CCL25: variants seen among roughly 807,000 people sequenced by gnomAD.
CCL25 encodes C-C motif chemokine 25.
CCL25 carries 14 observed loss-of-function variants against 19.9 expected under a neutral mutation model. That is an observed-to-expected ratio of 0.70 (90% CI 0.47 to 1.10). CCL25 has a LOEUF of 1.10. Ranked by LOEUF, CCL25 falls within the 50% of genes least tolerant of loss-of-function variation. The pLI is 0.00. For synonymous variants in CCL25, 68 were observed against 73.2 expected, an observed-to-expected ratio of 0.93 and a Z score of 0.36; for missense variants, 151 against 181.2, an observed-to-expected ratio of 0.83 and a Z score of 0.96.
chr19:8,053,179 AC>A, intron 2 of CCL25, 57 bp downstream of exon 2: 1 of 1,096,166 alleles, frequency 9.1e-7, no homozygotes. Flanking sequence ...CCCCCACCCC[AC>A]CCCTTTTGTC....
chr19:8,053,192 C>T (rs1045921422), intron 2 of CCL25, 70 bp downstream of exon 2: 1 of 978,698 alleles, frequency 1.0e-6, no homozygotes, highest in Non-Finnish European at 1.5e-6. Flanking sequence ...CCTTTTGTCT[C>T]TTATCTCCTC....
At chr19:8,055,358 C>T (rs1311558249) in intron 2 of CCL25, among the ~76,000 whole-genome samples, 1 of 145,328 alleles carries the variant, frequency 6.9e-6, no homozygotes, top group East Asian at 2.1e-4. Context: ...TGTTTTGAGA[C>T]GGTGTCTCAC....
chr19:8,062,088 G>C, intron 5 of CCL25, 130 bp from the exon 6 acceptor site: 1 of 712,720 alleles, frequency 1.4e-6, no homozygotes, highest in Non-Finnish European at 2.4e-6. Context: ...AAAGATTCTA[G>C]CACTCCTATT....
rs1461424937 is a variant in CCL25 at position 8,056,393 on chromosome 19, G to A, written c.219G>A (p.Lys73=). Residue 73 remains lysine, a synonymous_variant, in exon 4 of 6, where the codon AAG becomes AAA. Transcript: ENST00000315626. ...TCTACCTCCCCAAGAGACACAGGAAGGTGTGTGGGAACCCCAAAAGCAGGG... is the reference window on the plus strand; with the variant it reads ...TCTACCTCCCCAAGAGACACAGGAAAGTGTGTGGGAACCCCAAAAGCAGGG... ...AIFYLPKRHR[K]VCGNPKSREV... The A allele has an allele frequency of 3.7e-6, 6 of 1,613,880 alleles. No individual in the cohort carries two copies. The highest frequency in any genetic ancestry group is 5.1e-6 in the Non-Finnish European group (6 of 1,179,920).
At chr19:8,059,160 AATATATAAT>A (rs1162123877) in intron 5 of CCL25, among the ~76,000 whole-genome samples, 6 of 33,284 alleles carry the variant, frequency 1.8e-4, no homozygotes, top group Non-Finnish European at 2.8e-4. Flanking sequence ...TAATATATAT[AATATATAAT>A]ATATATAATA....
intron 5 of CCL25, 76 bp downstream of exon 5, chr19:8,057,996 A>G: frequency 6.4e-7 from 1 of 1,553,286 alleles, no homozygotes; most frequent in Non-Finnish European, 8.7e-7. Context: ...ATTGGCTCAC[A>G]CTGGGACAGG....
At chr19:8,061,671 G>T (rs539016162) in intron 5 of CCL25, among the ~76,000 whole-genome samples, 168 of 152,088 alleles carry the variant, frequency 1.1e-3, no homozygotes, top group African/African-American at 4.0e-3. Context: ...CCAGAGCTCT[G>T]TGTCAGAAAC....
At chr19:8,059,793 A>G (rs998473248) in intron 5 of CCL25, among the ~76,000 whole-genome samples, 2 of 152,140 alleles carry the variant, frequency 1.3e-5, no homozygotes, top group Non-Finnish European at 2.9e-5. Context: ...CAGAAGGATC[A>G]ATTGAGCCCA....
rs550781909 is a variant in CCL25 at position 8,061,524 on chromosome 19, G to A, written c.446-694G>A. ...CATTGCCAACCTTCTTCCCCTTCCTGGAGAATGGGACCAAAAGCTCCAAGT... is the reference window on the plus strand; with the variant it reads ...CATTGCCAACCTTCTTCCCCTTCCTAGAGAATGGGACCAAAAGCTCCAAGT... On this transcript the variant is annotated intron_variant, in intron 5 of 5. Coordinates refer to ENST00000315626, the MANE Select transcript of CCL25 (RefSeq NM_005624.4). Among the ~76,000 whole-genome samples, 17 of 152,272 alleles carry A rather than the reference G, an allele frequency of 1.1e-4. No homozygotes were observed. The South Asian group carries it at 3.5e-3, about 32-fold the overall frequency.
chr19:8,054,877 G>T (rs919651120), intron 2 of CCL25, among the ~76,000 whole-genome samples: 1 of 151,756 alleles, frequency 6.6e-6, no homozygotes, highest in Non-Finnish European at 1.5e-5. Flanking sequence ...CATTGAGACA[G>T]AGTTTTGCTA....
intron 5 of CCL25, among the ~76,000 whole-genome samples, chr19:8,059,128 TA>T (rs1383123278): frequency 3.1e-5 from 3 of 98,094 alleles, no homozygotes; most frequent in Non-Finnish European, 5.7e-5. Context: ...TAAATATATA[TA>T]AATATATATT....
At chr19:8,062,042 G>A (rs1227444108) in intron 5 of CCL25, among the ~76,000 whole-genome samples, 176 bp from the exon 6 acceptor site, 1 of 109,338 alleles carries the variant, frequency 9.1e-6, no homozygotes, top group African/African-American at 3.5e-5. Flanking sequence ...GAGCGAGACT[G>A]TCTCAAAAAA....
Position 8,062,284 on chromosome 19 carries a change from C to A in CCL25, c.*59C>A, listed in dbSNP as rs560826574. 6.2e-7 allele frequency: 1 copy of A among 1,601,792 alleles called. No individual in the cohort carries two copies. The highest frequency in any genetic ancestry group is 8.5e-7 in the Non-Finnish European group (1 of 1,170,316). On this transcript the variant is annotated 3_prime_UTR_variant, in exon 6 of 6. Transcript: ENST00000315626. ...GGGGCCGGATCTTTCTCCGATAAAA[C>A]CGTCGCCCTACAGACCCAGCTGTCC...
intron 4 of CCL25, 129 bp downstream of exon 4, chr19:8,056,628 C>A: frequency 1.9e-6 from 2 of 1,049,070 alleles, no homozygotes; most frequent in Non-Finnish European, 2.8e-6. Context: ...CCAAACAAAG[C>A]CAGTTGCTGG....
At chr19:8,059,301 C>T (rs966627486) in intron 5 of CCL25, among the ~76,000 whole-genome samples, 9 of 149,384 alleles carry the variant, frequency 6.0e-5, no homozygotes, top group African/African-American at 9.9e-5. Flanking sequence ...AGGGTTCAGG[C>T]GATTCTTGTG....
At chr19:8,054,623 T>G (rs2081255936) in intron 2 of CCL25, among the ~76,000 whole-genome samples, 1 of 152,046 alleles carries the variant, frequency 6.6e-6, no homozygotes, top group Non-Finnish European at 1.5e-5. Context: ...GCTCATTCAT[T>G]CCACCTGCTC....
At chr19:8,052,593 T>G, upstream of CCL25, among the ~76,000 whole-genome samples, 1 of 140,156 alleles carries the variant, frequency 7.1e-6, no homozygotes, top group African/African-American at 2.7e-5. Context: ...GGATGGGGAG[T>G]GGGGAGGCAA....
intron 4 of CCL25, 79 bp downstream of exon 4, chr19:8,056,578 G>A: frequency 1.3e-6 from 2 of 1,511,618 alleles, no homozygotes; most frequent in African/African-American, 2.7e-5. Flanking sequence ...GACCCCGAGG[G>A]AGGGAATTGG....
intron 5 of CCL25, among the ~76,000 whole-genome samples, chr19:8,059,181 A>T (rs1374446597): frequency 8.1e-6 from 1 of 122,984 alleles, no homozygotes; most frequent in Admixed American, 1.1e-4. Context: ...TATATAATAT[A>T]TAAATATATA....
Sources: gnomAD v4.1 joint callset for allele counts (sites outside exome capture counted in the v4.1 genomes callset) on GRCh38, gnomAD v4.1.1 for gene constraint, MANE v1.5 for transcripts, NCBI Gene and HGNC (gene_info 2026-07-23, HGNC 2026-07-21) for gene names.